LRRC7: variants seen among roughly 807,000 people sequenced by gnomAD.
LRRC7 encodes leucine rich repeat containing 7.
A neutral mutation model predicts 175.7 loss-of-function variants in LRRC7; 23 were observed. That is an observed-to-expected ratio of 0.13 (90% confidence interval 0.09 to 0.19). The LOEUF (loss-of-function observed/expected upper bound fraction) is 0.19, where lower values mean the gene tolerates loss of function less well. LRRC7 is among the 10% of genes least tolerant of loss of function. The probability of loss-of-function intolerance (pLI) is 1.00; values close to 1 mark genes in which losing one functional copy is unlikely to be tolerated. For synonymous variants in LRRC7, 685 were observed against 680.9 expected, an observed-to-expected ratio of 1.01 and a Z score of -0.09; for missense variants, 1,354 against 1,904.7, an observed-to-expected ratio of 0.71 and a Z score of 5.38.
At chr1:69,921,860 C>T (rs1046389901) in intron 7 of LRRC7, among the ~76,000 whole-genome samples, 3 of 152,142 alleles carry the variant, frequency 2.0e-5, no homozygotes, top group Non-Finnish European at 2.9e-5. Flanking sequence ...TGCTTACCTA[C>T]ATATTATTTC....
intron 23 of LRRC7, among the ~76,000 whole-genome samples, chr1:70,069,297 G>A (rs1451287958): frequency 6.6e-6 from 1 of 152,152 alleles, no homozygotes; most frequent in Non-Finnish European, 1.5e-5. Flanking sequence ...TGGCAGGACA[G>A]AGTGAGTGCA....
chr1:69,809,961 A>G (rs545581488), intron 4 of LRRC7, among the ~76,000 whole-genome samples: 3 of 152,284 alleles, frequency 2.0e-5, no homozygotes, highest in East Asian at 3.9e-4. Context: ...GTATTCAAAT[A>G]GGAAAAAAGG....
chr1:69,871,795 G>A (rs1229836518), intron 7 of LRRC7, among the ~76,000 whole-genome samples: 3 of 151,904 alleles, frequency 2.0e-5, no homozygotes, highest in Non-Finnish European at 4.4e-5. Context: ...ATCTGTTTAT[G>A]TATTGCCTGT....
chr1:69,835,952 C>T (rs1416423464), intron 6 of LRRC7, among the ~76,000 whole-genome samples: 7 of 151,920 alleles, frequency 4.6e-5, no homozygotes, highest in Non-Finnish European at 1.0e-4. Flanking sequence ...GTCATCTTGA[C>T]ATGTTTTTCA....
intron 8 of LRRC7, among the ~76,000 whole-genome samples, chr1:69,934,948 T>C (rs560217140): frequency 6.6e-6 from 1 of 152,250 alleles, no homozygotes; most frequent in East Asian, 1.9e-4. Flanking sequence ...AACTCTACCA[T>C]GGGAGCCTTC....
chr1:69,886,544 A>G lies in LRRC7; in HGVS notation c.648-44963A>G, dbSNP rs1359963175. 7.9e-5 allele frequency among the ~76,000 whole-genome samples: 12 copies of G among 152,034 alleles called. No individual in the cohort carries two copies. In the South Asian group the frequency reaches 2.5e-3, roughly 32 times the overall value. The stretch of plus-strand genomic sequence containing the variant: ...GTGAGATGGGTTTCCTGAATACAGC[A>G]CACTGATGGGTCTTGACTCTTTATC... On this transcript the variant is annotated intron_variant, in intron 7 of 26. Transcript: ENST00000651989.
intron 18 of LRRC7, 24 bp downstream of exon 18, chr1:70,028,395 G>T (rs1350847526): frequency 6.2e-7 from 1 of 1,601,972 alleles, no homozygotes; most frequent in Non-Finnish European, 8.5e-7. Flanking sequence ...ATTGGTAATT[G>T]CCAGTGTGGT....
intron 9 of LRRC7, among the ~76,000 whole-genome samples, chr1:69,984,203 C>T (rs1044332540): frequency 3.9e-5 from 6 of 152,054 alleles, no homozygotes; most frequent in African/African-American, 1.2e-4. Context: ...GGATTACAGG[C>T]GTGAGCCACC....
chr1:69,625,141 G>A (rs1651276700), intron 1 of LRRC7, among the ~76,000 whole-genome samples: 1 of 151,770 alleles, frequency 6.6e-6, no homozygotes, highest in African/African-American at 2.4e-5. Flanking sequence ...TTTGTGGGGA[G>A]ATTTTAATTA....
Position 69,912,589 on chromosome 1 carries a change from G to A in LRRC7, c.648-18918G>A, listed in dbSNP as rs185715228. 1.1e-4 allele frequency among the ~76,000 whole-genome samples: 17 copies of A among 152,200 alleles called. 1 individual carries two copies. The East Asian group carries it at 2.9e-3, about 26-fold the overall frequency. On this transcript the variant is annotated intron_variant, in intron 7 of 26. Coordinates refer to ENST00000651989, the MANE Select transcript of LRRC7 (RefSeq NM_001370785.2). The stretch of plus-strand genomic sequence containing the variant: ...TAATGTCATTGTTCTTGCTTATAGG[G>A]CACCTTTTCCCTCACAAAGAGCTCA...
At chr1:69,604,566 G>A (rs1308229824) in intron 1 of LRRC7, among the ~76,000 whole-genome samples, 1 of 152,158 alleles carries the variant, frequency 6.6e-6, no homozygotes, top group African/African-American at 2.4e-5. Context: ...AGCTCTAGCA[G>A]AGAACAGAAC....
chr1:70,052,408 A>G (rs1381919274), intron 22 of LRRC7, among the ~76,000 whole-genome samples: 1 of 152,018 alleles, frequency 6.6e-6, no homozygotes, highest in African/African-American at 2.4e-5. Context: ...TTGGTAATCA[A>G]AACAGTCATG....
Position 69,770,218 on chromosome 1 carries a change from G to A in LRRC7, c.303+9825G>A, listed in dbSNP as rs1672076555. On this transcript the variant is annotated intron_variant, in intron 3 of 26. Coordinates refer to ENST00000651989, the MANE Select transcript of LRRC7 (RefSeq NM_001370785.2). Reference sequence around the variant, plus strand: ...GGTTCTAATGCAACAAGGGGAAATGGATATCTGACAAGCAAAATAAACAAA... The same window carrying A: ...GGTTCTAATGCAACAAGGGGAAATGAATATCTGACAAGCAAAATAAACAAA... Among the ~76,000 whole-genome samples the A allele has an allele frequency of 2.0e-5, 3 of 152,234 alleles. No homozygotes were observed. In the South Asian group the frequency reaches 6.2e-4, roughly 32 times the overall value.
chr1:70,102,292 G>C (rs745957313), intron 25 of LRRC7, among the ~76,000 whole-genome samples: 3 of 152,168 alleles, frequency 2.0e-5, no homozygotes, highest in Non-Finnish European at 2.9e-5. Flanking sequence ...CCATAGATGA[G>C]GCAGGAGGAA....
At chr1:70,028,051 A>T in intron 17 of LRRC7, 120 bp from the exon 18 acceptor site, 1 of 856,686 alleles carries the variant, frequency 1.2e-6, no homozygotes, top group Non-Finnish European at 1.8e-6. Context: ...AGAGTTTCTC[A>T]GCCAGCTCAA....
chr1:69,771,819 A>G (rs1272087537), intron 3 of LRRC7, among the ~76,000 whole-genome samples: 1 of 152,128 alleles, frequency 6.6e-6, no homozygotes. Flanking sequence ...GGCAAACGCC[A>G]TTATGAAAAT....
At chr1:69,905,689 G>C (rs1416386568) in intron 7 of LRRC7, among the ~76,000 whole-genome samples, 1 of 152,130 alleles carries the variant, frequency 6.6e-6, no homozygotes, top group Non-Finnish European at 1.5e-5. Context: ...CCAAGTCTTT[G>C]CTATTGTGAA....
At chr1:69,729,168 T>C (rs1356158453) in intron 2 of LRRC7, among the ~76,000 whole-genome samples, 1 of 152,160 alleles carries the variant, frequency 6.6e-6, no homozygotes, top group East Asian at 1.9e-4. Context: ...GTGGGGATTA[T>C]GGGAACTAAA....
At chr1:69,922,623 A>C (rs1437578399) in intron 7 of LRRC7, among the ~76,000 whole-genome samples, 3 of 152,160 alleles carry the variant, frequency 2.0e-5, no homozygotes. Flanking sequence ...GGTAAAAAGC[A>C]TATTGGATAG....
Sources: gnomAD v4.1 joint callset for allele counts (sites outside exome capture counted in the v4.1 genomes callset) on GRCh38, gnomAD v4.1.1 for gene constraint, MANE v1.5 for transcripts, NCBI Gene and HGNC (gene_info 2026-07-23, HGNC 2026-07-21) for gene names.